Variants in CREB5 observed in about 807,000 individuals in gnomAD.
CREB5 encodes cAMP responsive element binding protein 5, also known as cyclic AMP-responsive element-binding protein 5.
CREB5 carries 19 observed loss-of-function variants against 57.1 expected under a neutral mutation model. That is an observed-to-expected ratio of 0.33 (90% CI 0.23 to 0.49). The LOEUF (loss-of-function observed/expected upper bound fraction) is 0.49, where lower values mean the gene tolerates loss of function less well. Ranked by LOEUF, CREB5 falls within the 20% of genes least tolerant of loss-of-function variation. The pLI is 0.99. For synonymous variants in CREB5, 238 were observed against 238.3 expected (o/e 1.00, Z 0.01); for missense variants, 579 against 671.6 (o/e 0.86, Z 1.52).
intron 7 of CREB5, among the ~76,000 whole-genome samples, chr7:28,775,565 T>TATATA (rs1232967788): frequency 2.1e-5 from 3 of 144,606 alleles, no homozygotes; most frequent in East Asian, 2.1e-4. Flanking sequence ...TATATATATA[T>TATATA]TAGCGTATTT....
chr7:28,688,238 A>G (rs1249026793), intron 5 of CREB5, among the ~76,000 whole-genome samples: 3 of 152,204 alleles, frequency 2.0e-5, no homozygotes, highest in East Asian at 1.9e-4. Context: ...GGAGACCTCA[A>G]TGAGATAAAT....
At chr7:28,409,087 T>C (rs1336391433), upstream of CREB5, among the ~76,000 whole-genome samples, 1 of 151,832 alleles carries the variant, frequency 6.6e-6, no homozygotes, top group Non-Finnish European at 1.5e-5. The surrounding 1 kb of genome is among the most constrained non-coding windows in gnomAD (Gnocchi z 4.4). Flanking sequence ...ACACCACTAA[T>C]GTCAGGGAGC....
chr7:28,411,008 C>A (rs915638639), upstream of CREB5, among the ~76,000 whole-genome samples: 1 of 152,142 alleles, frequency 6.6e-6, no homozygotes, highest in African/African-American at 2.4e-5. Context: ...GGGGCGAGCA[C>A]GGTCCCTGGA....
intron 10 of CREB5, 102 bp downstream of exon 10, chr7:28,818,281 A>G: frequency 1.3e-6 from 1 of 763,498 alleles, no homozygotes; most frequent in Non-Finnish European, 2.2e-6. Context: ...TGTAGATTGT[A>G]CTTCCAGGCA....
At chr7:28,800,899 C>CA (rs1434773022) in intron 7 of CREB5, among the ~76,000 whole-genome samples, 4 of 152,216 alleles carry the variant, frequency 2.6e-5, no homozygotes. Context: ...GTGTGAATGG[C>CA]ATGGCTTGTG....
At chr7:28,394,025 C>T (rs1787283162) in intron 1 of CREB5, among the ~76,000 whole-genome samples, 1 of 128,272 alleles carries the variant, frequency 7.8e-6, no homozygotes. Flanking sequence ...GAGCTGACAT[C>T]ATGCCACTGC....
chr7:28,601,445 C>T (rs1451288818), intron 5 of CREB5, among the ~76,000 whole-genome samples: 3 of 152,070 alleles, frequency 2.0e-5, no homozygotes, highest in Non-Finnish European at 4.4e-5. Flanking sequence ...GTTTGAATCC[C>T]GAACACACCA....
chr7:28,811,586 G>T (rs867721173), intron 9 of CREB5, among the ~76,000 whole-genome samples: 1 of 151,992 alleles, frequency 6.6e-6, no homozygotes, highest in Non-Finnish European at 1.5e-5. Context: ...GCCCAGGCTG[G>T]TCTCAAACTC....
At chr7:28,663,203 C>T (rs1421403788) in intron 5 of CREB5, among the ~76,000 whole-genome samples, 6 of 151,592 alleles carry the variant, frequency 4.0e-5, no homozygotes, top group Non-Finnish European at 7.4e-5. Context: ...GAAAAGCTCT[C>T]CCTTCATTTT....
intron 6 of CREB5, among the ~76,000 whole-genome samples, chr7:28,719,228 C>T (rs1231112485): frequency 1.3e-5 from 2 of 151,160 alleles, no homozygotes; most frequent in African/African-American, 2.4e-5. Context: ...GCCAGTGAGT[C>T]GTCTAACCAG....
rs972431289 is a variant in CREB5 at position 28,402,768 on chromosome 7, G to T, written c.-24-92138G>T. ...CCATTCAGGACATAGGCATGGGCAA[G>T]GACTTCATGACTAAAACACCAAAAG... is the stretch of plus-strand genomic sequence containing the variant. On this transcript the variant is annotated intron_variant, in intron 1 of 9. Transcript: ENST00000396299. 3.3e-5 allele frequency among the ~76,000 whole-genome samples: 5 copies of T among 152,146 alleles called. No homozygotes were observed. In the South Asian group the frequency reaches 1.0e-3, roughly 31 times the overall value.
intron 1 of CREB5, among the ~76,000 whole-genome samples, chr7:28,356,507 T>C (rs1399993830): frequency 1.3e-5 from 2 of 152,304 alleles, no homozygotes; most frequent in East Asian, 1.9e-4. Flanking sequence ...CCCACAGATA[T>C]AAACCCACGG....
intron 4 of CREB5, among the ~76,000 whole-genome samples, chr7:28,560,974 G>A (rs1795222458): frequency 3.4e-5 from 1 of 29,050 alleles, no homozygotes; most frequent in African/African-American, 9.4e-5. Context: ...GTGTGTGTGC[G>A]TGTGTGCGTG....
intron 4 of CREB5, among the ~76,000 whole-genome samples, chr7:28,568,751 C>T (rs999863759): frequency 6.6e-6 from 1 of 152,142 alleles, no homozygotes; most frequent in African/African-American, 2.4e-5. Context: ...GGACTCCTGA[C>T]AAACTGTGTG....
intron 5 of CREB5, among the ~76,000 whole-genome samples, chr7:28,642,880 T>C (rs553946689): frequency 1.3e-5 from 2 of 151,940 alleles, no homozygotes; most frequent in South Asian, 2.1e-4. Context: ...ACAAGCATGC[T>C]AAACCTTGGC....
chr7:28,342,619 C>T (rs1785959261), intron 1 of CREB5, among the ~76,000 whole-genome samples: 1 of 152,156 alleles, frequency 6.6e-6, no homozygotes, highest in Non-Finnish European at 1.5e-5. Flanking sequence ...AGTAGTAATA[C>T]TAAAAAGTAA....
chr7:28,675,792 G>C (rs563524204), intron 5 of CREB5, among the ~76,000 whole-genome samples: 1 of 152,226 alleles, frequency 6.6e-6, no homozygotes, highest in East Asian at 1.9e-4. Context: ...TCCTGTTTCA[G>C]CTTGGGATAA....
intron 1 of CREB5, among the ~76,000 whole-genome samples, chr7:28,387,713 T>A (rs1419435829): frequency 6.6e-6 from 1 of 152,094 alleles, no homozygotes; most frequent in Non-Finnish European, 1.5e-5. Context: ...TGGAATGATC[T>A]GTGCAGCAAA....
At chr7:28,328,656 G>T (rs1304772966) in intron 1 of CREB5, among the ~76,000 whole-genome samples, 1 of 152,178 alleles carries the variant, frequency 6.6e-6, no homozygotes, top group Non-Finnish European at 1.5e-5. Flanking sequence ...TCTGCTATAT[G>T]TATAGCCATA....
Sources: gnomAD v4.1 joint callset for allele counts (sites outside exome capture counted in the v4.1 genomes callset) on GRCh38, gnomAD v4.1.1 for gene constraint, Gnocchi (gnomAD v3.1) non-coding constraint, MANE v1.5 for transcripts, NCBI Gene and HGNC (gene_info 2026-07-23, HGNC 2026-07-21) for gene names.